The following GPHN variants were observed in gnomAD, a reference collection of about 807,000 sequenced individuals.
The protein encoded by GPHN is gephyrin.
In GPHN, 17 loss-of-function variants were observed where a neutral mutation model predicts 95.5. The observed-to-expected ratio is 0.18, with a 90% CI of 0.12 to 0.27. GPHN has a LOEUF of 0.27. Ranked by LOEUF, GPHN falls within the 10% of genes least tolerant of loss-of-function variation. GPHN has a pLI of 1.00. For missense variants in GPHN, 660 were observed against 978.1 expected, an observed-to-expected ratio of 0.67 and a Z score of 4.34; for synonymous variants, 320 against 322.5, an observed-to-expected ratio of 0.99 and a Z score of 0.08.
At chr14:66,992,824 A>G (rs1222235815) in intron 9 of GPHN, among the ~76,000 whole-genome samples, 1 of 152,180 alleles carries the variant, frequency 6.6e-6, no homozygotes, top group East Asian at 1.9e-4. Flanking sequence ...AAATTATATG[A>G]GATTCAAATT....
the GPHN span, chr14:67,724,979 C>G: frequency 8.6e-7 from 1 of 1,166,908 alleles, no homozygotes; most frequent in Non-Finnish European, 1.3e-6. Flanking sequence ...TATGTTCACT[C>G]TACCGTTGAA....
intron 3 of GPHN, among the ~76,000 whole-genome samples, chr14:66,793,068 T>TA (rs2060031390): frequency 6.6e-6 from 1 of 152,264 alleles, no homozygotes. Flanking sequence ...CTCATTCCCG[T>TA]AAACCCACAA....
chr14:66,845,864 T>TGTGC (rs1257946141), intron 4 of GPHN, among the ~76,000 whole-genome samples: 2 of 151,536 alleles, frequency 1.3e-5, no homozygotes, highest in Non-Finnish European at 3.0e-5. Context: ...TGTGTGTCTG[T>TGTGC]GTGCGTGCGC....
At chr14:67,160,315 G>C (rs568400829) in intron 19 of GPHN, among the ~76,000 whole-genome samples, 3 of 152,020 alleles carry the variant, frequency 2.0e-5, no homozygotes, top group Non-Finnish European at 4.4e-5. Flanking sequence ...ATAAAGGCTT[G>C]ATTAAATTCA....
chr14:67,254,783 AATC>A, the GPHN span, among the ~76,000 whole-genome samples: 1 of 152,248 alleles, frequency 6.6e-6, no homozygotes, highest in Admixed American at 6.5e-5. Context: ...AGGTAGAGGT[AATC>A]ATCTACTAAT....
chr14:67,320,434 C>A, the GPHN span: 1 of 1,534,472 alleles, frequency 6.5e-7, no homozygotes, highest in Admixed American at 2.0e-5. Context: ...CTGTGCTTTT[C>A]AATTTACCAG....
At chr14:66,861,566 A>G (rs897134091) in intron 4 of GPHN, among the ~76,000 whole-genome samples, 6 of 152,108 alleles carry the variant, frequency 3.9e-5, no homozygotes, top group Admixed American at 1.3e-4. Flanking sequence ...CAGAACAGAG[A>G]TAATTCTAAA....
chr14:67,374,561 T>C, the GPHN span: 2 of 1,556,262 alleles, frequency 1.3e-6, no homozygotes, highest in Non-Finnish European at 1.8e-6. Flanking sequence ...AGTTGATCTT[T>C]GAGTCAAATT....
chr14:66,991,400 A>G (rs1362406919), intron 9 of GPHN, among the ~76,000 whole-genome samples: 1 of 152,104 alleles, frequency 6.6e-6, no homozygotes, highest in Non-Finnish European at 1.5e-5. Flanking sequence ...GGATGAATCT[A>G]TTAAGAAGAA....
the GPHN span, chr14:67,594,104 C>G: frequency 3.3e-6 from 2 of 612,958 alleles, no homozygotes. Flanking sequence ...ATCCAGACAA[C>G]AAATGGATAG....
chr14:67,218,366 G>A, the GPHN span, among the ~76,000 whole-genome samples: 2 of 152,176 alleles, frequency 1.3e-5, no homozygotes, highest in Non-Finnish European at 2.9e-5. Context: ...ATGTTTACTG[G>A]GTGGGTGGCC....
the GPHN span, chr14:67,335,610 G>A: frequency 6.6e-6 from 1 of 152,588 alleles, no homozygotes; most frequent in Non-Finnish European, 1.5e-5. Flanking sequence ...AAGAAATAAG[G>A]ATCAATAAGG....
the GPHN span, chr14:67,691,043 G>A: frequency 2.5e-6 from 2 of 803,900 alleles, no homozygotes; most frequent in Non-Finnish European, 4.4e-6. Flanking sequence ...ATGGTCCTGA[G>A]GTTCAATCAC....
At chr14:67,082,562 C>T (rs1485862349) in intron 11 of GPHN, among the ~76,000 whole-genome samples, 1 of 152,172 alleles carries the variant, frequency 6.6e-6, no homozygotes, top group East Asian at 1.9e-4. Flanking sequence ...AATCAGGAAA[C>T]ATGACTCCTC....
chr14:67,203,218 G>C, the GPHN span: 28 of 1,613,588 alleles, frequency 1.7e-5, no homozygotes, highest in South Asian at 1.1e-5. Flanking sequence ...CTGACACCTG[G>C]TGCCCAAAAA....
At chr14:66,772,113 GAA>G (rs79406734) in intron 2 of GPHN, among the ~76,000 whole-genome samples, 4 of 133,204 alleles carry the variant, frequency 3.0e-5, no homozygotes, top group Middle Eastern at 4.0e-3. Flanking sequence ...TGTCCTTTAG[GAA>G]AAAAAAAAAA....
intron 2 of GPHN, among the ~76,000 whole-genome samples, chr14:66,775,377 C>G (rs2059344297): frequency 1.3e-5 from 2 of 151,984 alleles, no homozygotes; most frequent in Admixed American, 6.6e-5. Flanking sequence ...GTTTAATAGC[C>G]TAGAGTACCT....
At chr14:66,602,439 C>T (rs1206225480) in intron 1 of GPHN, among the ~76,000 whole-genome samples, 3 of 151,910 alleles carry the variant, frequency 2.0e-5, no homozygotes, top group Admixed American at 6.6e-5. Context: ...TATATTTCCT[C>T]ATTACTGCAG....
chr14:67,425,383 T>A, the GPHN span, among the ~76,000 whole-genome samples: 1 of 152,080 alleles, frequency 6.6e-6, no homozygotes, highest in Non-Finnish European at 1.5e-5. Context: ...AAACTCCATC[T>A]CTACAAAAAA....
Sources: allele counts gnomAD v4.1 joint callset (sites outside exome capture counted in the v4.1 genomes callset), GRCh38; gene constraint gnomAD v4.1.1; transcripts MANE v1.5; gene names NCBI Gene and HGNC (gene_info 2026-07-23, HGNC 2026-07-21).